The following TMPRSS7 variants were observed in gnomAD, a reference collection of about 807,000 sequenced individuals.
TMPRSS7 encodes the protein transmembrane protease serine 7.
Under a neutral mutation model 95.6 loss-of-function variants are expected in TMPRSS7, and 81 were observed. The observed-to-expected ratio is 0.85, with a 90% CI of 0.71 to 1.02. The LOEUF is 1.02. TMPRSS7 is among the 50% of genes least tolerant of loss of function. The probability of loss-of-function intolerance (pLI) is 0.00; values close to 1 mark genes in which losing one functional copy is unlikely to be tolerated. For synonymous variants in TMPRSS7, 364 were observed against 337.8 expected (o/e 1.08, Z -0.85); for missense variants, 945 against 955.2 (o/e 0.99, Z 0.14).
intron 9 of TMPRSS7, among the ~76,000 whole-genome samples, chr3:112,051,812 A>G (rs1382894584): frequency 6.6e-6 from 1 of 152,164 alleles, no homozygotes; most frequent in Non-Finnish European, 1.5e-5. Context: ...ACATGGAGAC[A>G]GGGCAAAGTG....
rs193180491 is a variant in TMPRSS7 at position 112,073,389 on chromosome 3, T to C, written c.1667-907T>C. 2.1e-4 allele frequency among the ~76,000 whole-genome samples: 32 copies of C among 152,192 alleles called. No individual in the cohort carries two copies. The East Asian group carries it at 3.3e-3, about 16-fold the overall frequency. On this transcript the variant is annotated intron_variant, in intron 13 of 17. Coordinates refer to ENST00000452346, the Ensembl canonical transcript of TMPRSS7. ...GATTACAGGCAGGAGCCACCTGTAA[T>C]TACGCGCCTGGCCTTTTCTAGACTT...
intron 2 of TMPRSS7, among the ~76,000 whole-genome samples, chr3:112,041,263 T>A (rs890525772): frequency 6.6e-6 from 1 of 151,094 alleles, no homozygotes; most frequent in Admixed American, 6.6e-5. Context: ...TGCTTCCTCC[T>A]CCCCTCCCCA....
chr3:112,069,416 G>T (rs1251206879), intron 13 of TMPRSS7, among the ~76,000 whole-genome samples: 1 of 152,134 alleles, frequency 6.6e-6, no homozygotes, highest in Non-Finnish European at 1.5e-5. Context: ...GCTCCTCTTT[G>T]TGCCTCTGAT....
intron 10 of TMPRSS7, among the ~76,000 whole-genome samples, chr3:112,061,009 A>C (rs1576112849): frequency 6.6e-6 from 1 of 152,094 alleles, no homozygotes; most frequent in East Asian, 1.9e-4. Flanking sequence ...AGGGTCCCTG[A>C]CTTCCCACAA....
chr3:112,062,065 T>A (rs956403705), intron 11 of TMPRSS7, 142 bp downstream of exon 11: 17 of 365,876 alleles, frequency 4.6e-5, no homozygotes, highest in Non-Finnish European at 6.5e-5. Flanking sequence ...CTATAATAAA[T>A]AATAATTATA....
chr3:112,037,944 T>C (rs976734266), intron 1 of TMPRSS7, 128 bp from the exon 2 acceptor site: 2 of 606,324 alleles, frequency 3.3e-6, no homozygotes, highest in Non-Finnish European at 5.8e-6. Context: ...TTGATATACT[T>C]ACATAAATAT....
At chr3:112,050,817 T>G in intron 9 of TMPRSS7, 34 bp downstream of exon 9, 1 of 1,098,352 alleles carries the variant, frequency 9.1e-7, no homozygotes, top group East Asian at 2.5e-5. Flanking sequence ...TAGAAAAATA[T>G]TACTGCTCTA....
In TMPRSS7 at chr3:112,075,341, G is replaced by A. The variant is rs747728669; in HGVS notation, c.1804G>A (p.Ala602Thr). 3.6e-5 allele frequency: 52 copies of A among 1,431,374 alleles called. No homozygotes were observed. The highest frequency in any genetic ancestry group is 1.8e-4 in the South Asian group (11 of 61,134). 88.7% of individuals were successfully genotyped at this position (1,431,374 alleles called of 1,614,324 possible). A position where few individuals can be genotyped will look rare whatever the true frequency, so the allele number is the denominator to read the frequency against. Residue 602 changes from alanine to threonine, a missense_variant, in exon 15 of 18, where the codon GCC (alanine) becomes ACC (threonine). Transcript: ENST00000452346. Reference sequence around the variant, plus strand: ...CAAAGCCTGCAGCAGGAGTTCCTCCGCCCTTCACCGCATCATCGGAGGCAC... The same window carrying A: ...CAAAGCCTGCAGCAGGAGTTCCTCCACCCTTCACCGCATCATCGGAGGCAC...
rs2073393419 is a variant in TMPRSS7 at position 112,053,626 on chromosome 3, T to C, written c.1203+2843T>C. Among the ~76,000 whole-genome samples the C allele has an allele frequency of 2.0e-5, 3 of 152,236 alleles. No homozygotes were observed. In the South Asian group the frequency reaches 6.2e-4, roughly 32 times the overall value. On this transcript the variant is annotated intron_variant, in intron 9 of 17. Transcript: ENST00000452346. ...TAGCACTTCAGTGTTTTTGGCAACA[T>C]ATTTTTATTTGCCCTTCAAAACACA... is the stretch of plus-strand genomic sequence containing the variant.
intron 8 of TMPRSS7, 73 bp downstream of exon 8, chr3:112,050,047 G>T: frequency 7.1e-7 from 1 of 1,416,790 alleles, no homozygotes; most frequent in South Asian, 1.7e-5. Context: ...TATCTTTCTG[G>T]AAGCTGTGTT....
intron 17 of TMPRSS7, among the ~76,000 whole-genome samples, chr3:112,079,843 GCA>G (rs1333334221): frequency 6.6e-6 from 1 of 152,116 alleles, no homozygotes; most frequent in African/African-American, 2.4e-5. Flanking sequence ...AGGAAACTGG[GCA>G]CAGAGAGGGT....
chr3:112,057,004 A>G (rs987164535), intron 9 of TMPRSS7, 21 bp from the exon 10 acceptor site: 1 of 1,527,732 alleles, frequency 6.5e-7, no homozygotes, highest in Non-Finnish European at 9.0e-7. Flanking sequence ...TTTTTTTCTG[A>G]CTTAATGTTT....
Position 112,049,841 on chromosome 3 carries a change from C to A in TMPRSS7, c.960-3C>A. On this transcript the variant is annotated splice_polypyrimidine_tract_variant and splice_region_variant and intron_variant, in intron 7 of 17. Coordinates refer to ENST00000452346, the Ensembl canonical transcript of TMPRSS7. The stretch of plus-strand genomic sequence containing the variant: ...GTACTTTTGTTTTATTATCTGCTTT[C>A]AGAATTTGTGAACCCACAAGAACAT... 6.6e-7 allele frequency: 1 copy of A among 1,511,034 alleles called. No individual in the cohort carries two copies. The highest frequency in any genetic ancestry group is 1.3e-5 in the South Asian group (1 of 74,736). 93.6% of individuals were successfully genotyped at this position (1,511,034 alleles called of 1,614,324 possible).
At chr3:112,048,982 G>A (rs1221280104) in intron 7 of TMPRSS7, among the ~76,000 whole-genome samples, 2 of 152,130 alleles carry the variant, frequency 1.3e-5, no homozygotes, top group Admixed American at 6.5e-5. Flanking sequence ...TGGGGGCAGG[G>A]AACTTAAGGC....
intron 11 of TMPRSS7, among the ~76,000 whole-genome samples, chr3:112,062,546 T>C (rs899218293): frequency 6.6e-6 from 1 of 152,222 alleles, no homozygotes; most frequent in South Asian, 2.1e-4. Context: ...GATTGCCCAC[T>C]GAAGAGTCCA....
chr3:112,079,410 A>G (rs946249854), intron 17 of TMPRSS7, among the ~76,000 whole-genome samples: 1 of 152,192 alleles, frequency 6.6e-6, no homozygotes, highest in Non-Finnish European at 1.5e-5. Flanking sequence ...CAAAGAGTAA[A>G]TAGATGATTT....
At chr3:112,063,722 T>C (rs1472736665) in intron 12 of TMPRSS7, 90 bp downstream of exon 12, 1 of 1,120,010 alleles carries the variant, frequency 8.9e-7, no homozygotes, top group Non-Finnish European at 1.3e-6. Context: ...TTAGTATTTG[T>C]AGTTATTATC....
Position 112,075,565 on chromosome 3 carries a change from G to C in TMPRSS7, c.1955+73G>C, listed in dbSNP as rs2073702168. ...ACAATATATCTGCCCTCAAATTGTG[G>C]GAAGCAGATCCCTGTTGGGGACATT... On this transcript the variant is annotated intron_variant, in intron 15 of 17. Transcript: ENST00000452346. 4.0e-6 allele frequency: 5 copies of C among 1,256,304 alleles called. No individual in the cohort carries two copies. In the Admixed American group the frequency reaches 1.5e-4, roughly 38 times the overall value. 77.8% of individuals were successfully genotyped at this position (1,256,304 alleles called of 1,614,324 possible). A position where few individuals can be genotyped will look rare whatever the true frequency, so the allele number is the denominator to read the frequency against.
chr3:112,048,202 A>G (rs1264563989), intron 7 of TMPRSS7, among the ~76,000 whole-genome samples: 1 of 152,200 alleles, frequency 6.6e-6, no homozygotes, highest in Admixed American at 6.5e-5. Context: ...TCAGTACAGC[A>G]AGAACGTCAG....
Sources: allele counts gnomAD v4.1 joint callset (sites outside exome capture counted in the v4.1 genomes callset), GRCh38; gene constraint gnomAD v4.1.1; transcripts MANE v1.5; gene names NCBI Gene and HGNC (gene_info 2026-07-23, HGNC 2026-07-21).